The following LARS1 variants were observed in gnomAD, a reference collection of about 807,000 sequenced individuals.
The protein encoded by LARS1 is leucine--tRNA ligase, cytoplasmic.
A neutral mutation model predicts 162.8 loss-of-function variants in LARS1; 100 were observed. The ratio of observed to expected loss-of-function variants is 0.61; its 90% CI spans 0.52 to 0.73. The LOEUF is 0.73. Among genes scored for constraint, LARS1 ranks in the 30% least tolerant of loss-of-function variants. The pLI is 0.00. For synonymous variants in LARS1, 457 were observed against 462.8 expected, an observed-to-expected ratio of 0.99 and a Z score of 0.16; for missense variants, 1,258 against 1,408.9, an observed-to-expected ratio of 0.89 and a Z score of 1.71.
At chr5:146,118,847 A>T (rs1751687014) in intron 31 of LARS1, among the ~76,000 whole-genome samples, 1 of 152,218 alleles carries the variant, frequency 6.6e-6, no homozygotes. Flanking sequence ...CATAAAAATG[A>T]CTAAAATAGT....
intron 10 of LARS1, 51 bp from the exon 11 acceptor site, chr5:146,154,031 T>A (rs375566362): frequency 1.6e-5 from 20 of 1,273,962 alleles, no homozygotes; most frequent in Non-Finnish European, 1.1e-5. Context: ...ATTGTGACCA[T>A]TAGAATTAAA....
chr5:146,168,979 G>A (rs1400044410), intron 4 of LARS1, among the ~76,000 whole-genome samples: 1 of 151,988 alleles, frequency 6.6e-6, no homozygotes, highest in African/African-American at 2.4e-5. Flanking sequence ...ACGAGTTAAT[G>A]GGTGCAGCAC....
At chr5:146,115,046 GA>G (rs35008800) in intron 31 of LARS1, among the ~76,000 whole-genome samples, 4,790 of 97,630 alleles carry the variant, frequency 0.049, 106 homozygotes, top group African/African-American at 0.099. Context: ...CTGTCGGGGG[GA>G]AAAAAAAAAA....
intron 7 of LARS1, 96 bp downstream of exon 7, chr5:146,160,278 C>T: frequency 1.7e-6 from 1 of 590,312 alleles, no homozygotes; most frequent in Non-Finnish European, 2.8e-6. Flanking sequence ...TCAAGCAATC[C>T]CCTCACCTCA....
intron 21 of LARS1, chr5:146,139,592 T>G (rs1365315055): frequency 2.0e-5 from 3 of 152,226 alleles, no homozygotes; most frequent in African/African-American, 7.2e-5. Context: ...AATTAATTTA[T>G]AGGCCAGGCG....
chr5:146,122,494 C>G lies in LARS1; in HGVS notation c.3190G>C (p.Glu1064Gln), dbSNP rs760309261. ...PGKPLNVFRI[E>Q]PGVSVSLVNP... ...TCAGTGAGATTCCTTCAACTTACTTCTATTCTAAAAACATTAAGTGGTTTC... is the reference window on the plus strand; with the variant it reads ...TCAGTGAGATTCCTTCAACTTACTTGTATTCTAAAAACATTAAGTGGTTTC... The change falls in exon 30 of 32, where the codon GAA becomes CAA. Residue 1064 changes from glutamate (E) to glutamine (Q), a missense_variant and splice_region_variant. Transcript: ENST00000394434. The G allele has an allele frequency of 2.9e-5, 46 of 1,561,068 alleles. No homozygotes were observed. Among genetic ancestry groups the G allele is most frequent in the Non-Finnish European group, 4.0e-5 (45 of 1,134,296 alleles).
intron 23 of LARS1, 131 bp downstream of exon 23, chr5:146,132,767 A>G: frequency 2.9e-6 from 2 of 691,216 alleles, no homozygotes. Context: ...TAAGCCTTCA[A>G]TGAACACTAG....
In LARS1 at chr5:146,130,027, G is replaced by T. The variant is rs1752210087; in HGVS notation, c.2619C>A (p.Leu873=). The T allele has an allele frequency of 2.5e-6, 4 of 1,607,458 alleles. No homozygotes were observed. The highest frequency in any genetic ancestry group is 3.4e-6 in the Non-Finnish European group (4 of 1,178,210). Residue 873 remains leucine (L), a synonymous_variant, in exon 25 of 32, where the codon CTC becomes CTA. Coordinates refer to ENST00000394434, the MANE Select transcript of LARS1 (RefSeq NM_020117.11). The part of the protein sequence containing the change: ...CPHLCEHIWT[L]LGKPDSIMNA... ...AAATGCATGAAGGTACCTTTCCCAG[G>T]AGTGTCCAGATGTGCTCACACAAAT...
chr5:146,128,573 T>C (rs1752137517), intron 27 of LARS1, 99 bp downstream of exon 27: 2 of 677,538 alleles, frequency 3.0e-6, no homozygotes, highest in African/African-American at 1.9e-5. Context: ...CAAAGCTGCC[T>C]ATCTTTCTTC....
chr5:146,129,887 T>C (rs1752203742), intron 25 of LARS1, 131 bp downstream of exon 25: 7 of 893,296 alleles, frequency 7.8e-6, no homozygotes, highest in Non-Finnish European at 1.2e-5. Flanking sequence ...ATAATTATGA[T>C]GCTGAATCCA....
intron 2 of LARS1, among the ~76,000 whole-genome samples, chr5:146,174,826 G>A (rs1375374629): frequency 6.6e-6 from 1 of 151,876 alleles, no homozygotes; most frequent in Non-Finnish European, 1.5e-5. Flanking sequence ...GCTCAAACCT[G>A]TAATCCCAAC....
intron 30 of LARS1, among the ~76,000 whole-genome samples, 174 bp from the exon 31 acceptor site, chr5:146,120,677 A>G (rs749403283): frequency 6.6e-6 from 1 of 152,208 alleles, no homozygotes; most frequent in African/African-American, 2.4e-5. Flanking sequence ...GCTTATAACC[A>G]AATGCCTAGG....
rs146218818 is a variant in LARS1, at chr5:146,164,428, C to T, written c.476G>A (p.Gly159Asp). Residue 159 changes from glycine to aspartate, a missense_variant, in exon 6 of 32, where the codon GGC (glycine) becomes GAC (aspartate). Coordinates refer to ENST00000394434, the MANE Select transcript of LARS1 (RefSeq NM_020117.11). ...AGACAGGCCAAGGGATTTCATAATG[C>T]CCCACTGGTATTTAGAAGATCCAGC... ...AKAGSSKYQW[G>D]IMKSLGLSDE... 117 of 1,613,778 alleles carry T rather than the reference C, an allele frequency of 7.3e-5. No homozygotes were observed. In the Middle Eastern group the frequency reaches 3.0e-3, roughly 41 times the overall value.
At chr5:146,153,096 A>T (rs1753363531) in intron 13 of LARS1, 78 bp downstream of exon 13, 1 of 1,166,550 alleles carries the variant, frequency 8.6e-7, no homozygotes, top group African/African-American at 1.6e-5. Flanking sequence ...TAATTTTGTT[A>T]TAAGGAAAAC....
chr5:146,143,267 A>T, intron 19 of LARS1, 145 bp downstream of exon 19: 1 of 1,068,708 alleles, frequency 9.4e-7, no homozygotes, highest in Non-Finnish European at 1.3e-6. Context: ...CTATTTATTA[A>T]TTTTTCCCAG....
chr5:146,160,650 A>T (rs1211102013), intron 6 of LARS1, among the ~76,000 whole-genome samples, 164 bp from the exon 7 acceptor site: 1 of 151,830 alleles, frequency 6.6e-6, no homozygotes, highest in Non-Finnish European at 1.5e-5. Flanking sequence ...CAATTACTTT[A>T]ATTTACTTAA....
intron 1 of LARS1, among the ~76,000 whole-genome samples, chr5:146,179,300 T>C (rs1268506333): frequency 6.6e-6 from 1 of 152,042 alleles, no homozygotes; most frequent in African/African-American, 2.4e-5. Context: ...CAGCTGGGAT[T>C]ACAGGTGCGT....
Position 146,113,073 on chromosome 5 carries a change from G to A in LARS1, c.*1033C>T, listed in dbSNP as rs185520886. ...ACCTCTATTTTATTGATTGATTGATGGATTGATTGAGACAGAGTTTCACTC... is the reference window on the plus strand; with the variant it reads ...ACCTCTATTTTATTGATTGATTGATAGATTGATTGAGACAGAGTTTCACTC... On this transcript the variant is annotated 3_prime_UTR_variant, in exon 32 of 32. Coordinates refer to ENST00000394434, the MANE Select transcript of LARS1 (RefSeq NM_020117.11). 5.3e-5 allele frequency: 8 copies of A among 152,148 alleles called. No homozygotes were observed. Among genetic ancestry groups the A allele is most frequent in the African/African-American group, 1.4e-4 (6 of 41,530 alleles). 9.4% of individuals were successfully genotyped at this position (152,148 alleles called of 1,614,324 possible). A position where few individuals can be genotyped will look rare whatever the true frequency, so the allele number is the denominator to read the frequency against.
At chr5:146,122,696 A>G in intron 29 of LARS1, 109 bp from the exon 30 acceptor site, 1 of 520,126 alleles carries the variant, frequency 1.9e-6, no homozygotes, top group African/African-American at 1.9e-5. Context: ...TTAACATGAA[A>G]TGGTCTGTGC....
Sources: allele counts gnomAD v4.1 joint callset (sites outside exome capture counted in the v4.1 genomes callset), GRCh38; gene constraint gnomAD v4.1.1; transcripts MANE v1.5; gene names NCBI Gene and HGNC (gene_info 2026-07-23, HGNC 2026-07-21).